The following ADCY2 variants were observed in gnomAD, a reference collection of about 807,000 sequenced individuals.
The protein encoded by ADCY2 is adenylate cyclase 2.
Under a neutral mutation model 125.2 loss-of-function variants are expected in ADCY2, and 31 were observed. The observed-to-expected ratio is 0.25, with a 90% CI of 0.19 to 0.33. The LOEUF (loss-of-function observed/expected upper bound fraction) is 0.33. Ranked by LOEUF, ADCY2 falls within the 10% of genes least tolerant of loss-of-function variation. The pLI, the probability that ADCY2 is intolerant of heterozygous loss-of-function variation, is 1.00. For synonymous variants in ADCY2, 512 were observed against 548.4 expected (o/e 0.93, Z 0.93); for missense variants, 904 against 1,418.2 (o/e 0.64, Z 5.82).
intron 2 of ADCY2, among the ~76,000 whole-genome samples, chr5:7,489,042 C>G (rs1166304987): frequency 1.3e-5 from 2 of 152,182 alleles, no homozygotes; most frequent in Non-Finnish European, 2.9e-5. Context: ...TTTACCATTT[C>G]TGCAAGAAAA....
intron 2 of ADCY2, among the ~76,000 whole-genome samples, chr5:7,518,041 G>A (rs761697826): frequency 3.9e-5 from 6 of 152,186 alleles, no homozygotes; most frequent in Non-Finnish European, 7.3e-5. Flanking sequence ...CATACTTTCT[G>A]TAAATTGGGA....
At chr5:7,425,570 G>A (rs555252269) in intron 2 of ADCY2, among the ~76,000 whole-genome samples, 1 of 152,328 alleles carries the variant, frequency 6.6e-6, no homozygotes, top group East Asian at 1.9e-4. Flanking sequence ...TAAATTCAGA[G>A]TTTAAATTAT....
intron 3 of ADCY2, among the ~76,000 whole-genome samples, chr5:7,567,159 T>G (rs2126595216): frequency 6.6e-6 from 1 of 152,340 alleles, no homozygotes; most frequent in African/African-American, 2.4e-5. Flanking sequence ...TCTAAATCAC[T>G]TATTGCTTAC....
chr5:7,686,394 T>G (rs1740522607), intron 4 of ADCY2, among the ~76,000 whole-genome samples: 1 of 152,186 alleles, frequency 6.6e-6, no homozygotes, highest in Admixed American at 6.6e-5. Flanking sequence ...AAGAACAAGT[T>G]CTAAGAAAAA....
At position 7,626,252 on chromosome 5, in the gene ADCY2, C is replaced by T; in HGVS notation, c.656C>T (p.Thr219Ile). Residue 219 changes from threonine to isoleucine, a missense_variant, in exon 4 of 25, where the codon ACA (threonine) becomes ATA (isoleucine). Around this residue, in one of 7 missense-constraint regions of ADCY2, gnomAD observed 117 missense variants for 248.0 expected, o/e 0.47. Coordinates refer to ENST00000338316, the MANE Select transcript of ADCY2 (RefSeq NM_020546.3). ...KHLMELALQQTYQDTCNCIKS... is the reference protein window; with the variant it reads ...KHLMELALQQIYQDTCNCIKS... ...CTCATGGAACTCGCTCTTCAGCAAA[C>T]ATATCAGGACACCTGTAATTGCATC... 6.2e-7 allele frequency: 1 copy of T among 1,614,150 alleles called. No homozygotes were observed. Among genetic ancestry groups the T allele is most frequent in the Non-Finnish European group, 8.5e-7 (1 of 1,180,002 alleles).
chr5:7,503,662 A>C (rs754038614), intron 2 of ADCY2, among the ~76,000 whole-genome samples: 9 of 152,186 alleles, frequency 5.9e-5, no homozygotes, highest in Non-Finnish European at 1.0e-4. Flanking sequence ...TTGCACAGTT[A>C]TGTCAGCTGT....
intron 3 of ADCY2, among the ~76,000 whole-genome samples, chr5:7,602,905 G>A (rs1737264285): frequency 1.3e-5 from 2 of 152,042 alleles, no homozygotes; most frequent in Non-Finnish European, 2.9e-5. Context: ...AAACAAATGG[G>A]AATTTATTTG....
intron 13 of ADCY2, 75 bp downstream of exon 13, chr5:7,724,689 G>T: frequency 1.8e-6 from 2 of 1,124,534 alleles, no homozygotes; most frequent in Non-Finnish European, 1.3e-6. Flanking sequence ...TTGTGCTCAT[G>T]TTTTTTATAT....
intron 3 of ADCY2, among the ~76,000 whole-genome samples, chr5:7,607,868 A>G (rs1022389523): frequency 6.6e-6 from 1 of 151,392 alleles, no homozygotes; most frequent in African/African-American, 2.5e-5. Flanking sequence ...AGTCATAAAT[A>G]AATTGGTATT....
chr5:7,430,664 C>A (rs1032195636), intron 2 of ADCY2, among the ~76,000 whole-genome samples: 1 of 151,242 alleles, frequency 6.6e-6, no homozygotes, highest in Non-Finnish European at 1.5e-5. Flanking sequence ...TCGTGATTCA[C>A]CACCTTAAGG....
intron 11 of ADCY2, among the ~76,000 whole-genome samples, chr5:7,714,113 A>G (rs779671807): frequency 1.3e-5 from 2 of 152,176 alleles, no homozygotes; most frequent in Non-Finnish European, 2.9e-5. Flanking sequence ...CTTTTGAAGC[A>G]TTATAATTAA....
At chr5:7,707,644 AG>A in intron 8 of ADCY2, 61 bp from the exon 9 acceptor site, 1 of 1,576,848 alleles carries the variant, frequency 6.3e-7, no homozygotes, top group Non-Finnish European at 8.6e-7. Flanking sequence ...ATGAGCAAAT[AG>A]AAACCTTTCT....
chr5:7,643,419 C>T (rs1579269396), intron 4 of ADCY2, among the ~76,000 whole-genome samples: 1 of 152,046 alleles, frequency 6.6e-6, no homozygotes, highest in Non-Finnish European at 1.5e-5. Flanking sequence ...ACAAACTACA[C>T]TTTTTTGTTT....
chr5:7,440,220 C>T (rs1031136258), intron 2 of ADCY2, among the ~76,000 whole-genome samples: 5 of 152,102 alleles, frequency 3.3e-5, no homozygotes, highest in Non-Finnish European at 5.9e-5. Context: ...ATGAGGATTT[C>T]GTCATGCATT....
At chr5:7,721,843 C>T (rs1022999232) in intron 12 of ADCY2, among the ~76,000 whole-genome samples, 3 of 152,062 alleles carry the variant, frequency 2.0e-5, no homozygotes, top group African/African-American at 7.2e-5. Flanking sequence ...CCTCCAATCA[C>T]ATTTTTAAAA....
intron 15 of ADCY2, among the ~76,000 whole-genome samples, chr5:7,753,576 A>G (rs1742895476): frequency 6.6e-6 from 1 of 152,238 alleles, no homozygotes; most frequent in Non-Finnish European, 1.5e-5. Flanking sequence ...TTTTTCCACC[A>G]GAGCCTTTAA....
chr5:7,709,181 C>T lies in ADCY2; in HGVS notation c.1402-30C>T, dbSNP rs766826543. 7 of 1,575,038 alleles carry T rather than the reference C, an allele frequency of 4.4e-6. No individual in the cohort carries two copies. The East Asian group carries it at 1.6e-4, about 36-fold the overall frequency. The stretch of plus-strand genomic sequence containing the variant: ...GATCATGTGTGGCCCTGTGCTGTGC[C>T]AGGTGTGATGCTTTGTTTCTCACCC... On this transcript the variant is annotated intron_variant, in intron 9 of 24. Transcript: ENST00000338316. This position sits in a 1 kb window ranked among gnomAD's most constrained non-coding sequence, Gnocchi z 4.4.
chr5:7,640,292 G>A (rs1252983727), intron 4 of ADCY2, among the ~76,000 whole-genome samples: 1 of 152,124 alleles, frequency 6.6e-6, no homozygotes, highest in Non-Finnish European at 1.5e-5. Context: ...AAAGGCAAAT[G>A]TCAAACCAGA....
At chr5:7,547,643 A>T (rs1364188259) in intron 3 of ADCY2, among the ~76,000 whole-genome samples, 1 of 152,194 alleles carries the variant, frequency 6.6e-6, no homozygotes, top group South Asian at 2.1e-4. Context: ...CGTGCCTGGC[A>T]TACCCAGTTC....
Sources: gnomAD v4.1 joint callset for allele counts (sites outside exome capture counted in the v4.1 genomes callset) on GRCh38, gnomAD v4.1.1 for gene constraint, gnomAD v4.1.1 regional missense constraint, Gnocchi (gnomAD v3.1) non-coding constraint, MANE v1.5 for transcripts, NCBI Gene and HGNC (gene_info 2026-07-23, HGNC 2026-07-21) for gene names.